CELF5: variants seen among roughly 807,000 people sequenced by gnomAD.
The protein encoded by CELF5 is CUGBP Elav-like family member 5, also known as CUG-BP and ETR-3 like factor 5.
In CELF5, 6 loss-of-function variants were observed where a neutral mutation model predicts 54.9. That is an observed-to-expected ratio of 0.11 (90% CI 0.06 to 0.22). The LOEUF (loss-of-function observed/expected upper bound fraction) is 0.22, where lower values mean the gene tolerates loss of function less well. CELF5 is among the 10% of genes least tolerant of loss of function. The probability of loss-of-function intolerance (pLI) is 1.00; values close to 1 mark genes in which losing one functional copy is unlikely to be tolerated. For synonymous variants in CELF5, 271 were observed against 290.9 expected, an observed-to-expected ratio of 0.93 and a Z score of 0.70; for missense variants, 401 against 678.6, an observed-to-expected ratio of 0.59 and a Z score of 4.54.
At chr19:3,283,218 T>C (rs1351361199) in intron 8 of CELF5, among the ~76,000 whole-genome samples, 1 of 152,212 alleles carries the variant, frequency 6.6e-6, no homozygotes, top group Admixed American at 6.5e-5. Flanking sequence ...GAAGCAGAGG[T>C]CCTTCCTTTC....
chr19:3,235,709 GATGGATGT>G (rs1917551460), intron 1 of CELF5, among the ~76,000 whole-genome samples: 2 of 147,674 alleles, frequency 1.4e-5, no homozygotes, highest in East Asian at 2.1e-4. Context: ...TGGATGGATG[GATGGATGT>G]GTGGATGGGT....
chr19:3,253,699 CA>C (rs2079681446), intron 2 of CELF5, among the ~76,000 whole-genome samples: 1 of 152,192 alleles, frequency 6.6e-6, no homozygotes, highest in Non-Finnish European at 1.5e-5. Flanking sequence ...CAAGGTTAGG[CA>C]GCCTGCAAGC....
At chr19:3,284,798 G>A in intron 8 of CELF5, 104 bp from the exon 9 acceptor site, 1 of 982,924 alleles carries the variant, frequency 1.0e-6, no homozygotes, top group Non-Finnish European at 1.6e-6. Context: ...CAGAGGAGAA[G>A]CTGGGCGGGG....
chr19:3,266,600 T>C (rs1007610666), intron 2 of CELF5, among the ~76,000 whole-genome samples: 2 of 152,092 alleles, frequency 1.3e-5, no homozygotes, highest in African/African-American at 2.4e-5. Context: ...TTGAGACAAA[T>C]AGAGATCCTC....
chr19:3,242,109 A>G (rs1166049963), intron 1 of CELF5, among the ~76,000 whole-genome samples: 1 of 152,164 alleles, frequency 6.6e-6, no homozygotes, highest in African/African-American at 2.4e-5. Flanking sequence ...TTTCTAGGGA[A>G]GCAGGTACGG....
intron 2 of CELF5, among the ~76,000 whole-genome samples, chr19:3,256,918 T>C (rs1266554166): frequency 6.6e-6 from 1 of 151,822 alleles, no homozygotes. Flanking sequence ...CAGGTTGGAG[T>C]GCAGTGGCAC....
At chr19:3,267,119 G>C (rs1314147744) in intron 2 of CELF5, among the ~76,000 whole-genome samples, 1 of 151,896 alleles carries the variant, frequency 6.6e-6, no homozygotes, top group African/African-American at 2.4e-5. Flanking sequence ...GTGTGCGTGT[G>C]TGTTGGGGGA....
intron 1 of CELF5, 59 bp downstream of exon 1, chr19:3,225,057 G>A (rs865984144): frequency 1.8e-6 from 2 of 1,114,212 alleles, no homozygotes; most frequent in African/African-American, 5.2e-5. Flanking sequence ...CCCACCTTCC[G>A]GCATCTTCTC....
At chr19:3,231,774 G>A (rs1366359990) in intron 1 of CELF5, among the ~76,000 whole-genome samples, 1 of 136,862 alleles carries the variant, frequency 7.3e-6, no homozygotes, top group African/African-American at 2.8e-5. Flanking sequence ...GGGTGGGTTG[G>A]TGGGTCAATG....
chr19:3,286,306 T>G, intron 10 of CELF5: 1 of 411,982 alleles, frequency 2.4e-6, no homozygotes, highest in Non-Finnish European at 4.3e-6. Flanking sequence ...TTCTCTGGAT[T>G]TTTTGGAAAG....
intron 2 of CELF5, among the ~76,000 whole-genome samples, chr19:3,261,015 T>C (rs989262534): frequency 6.6e-6 from 1 of 152,114 alleles, no homozygotes; most frequent in Non-Finnish European, 1.5e-5. Context: ...TCCTCCTGCC[T>C]CAGCCTCCCA....
At chr19:3,269,479 C>T (rs1165541742) in intron 2 of CELF5, among the ~76,000 whole-genome samples, 1 of 152,122 alleles carries the variant, frequency 6.6e-6, no homozygotes, top group Non-Finnish European at 1.5e-5. Context: ...CGCCCGGCCC[C>T]TCCTCTGAAC....
intron 11 of CELF5, among the ~76,000 whole-genome samples, chr19:3,290,730 ATT>A (rs34944640): frequency 1.2e-3 from 164 of 140,412 alleles, no homozygotes; most frequent in Non-Finnish European, 1.2e-3. Flanking sequence ...CACCCAGCTA[ATT>A]TTTTTTTTTT....
intron 1 of CELF5, among the ~76,000 whole-genome samples, chr19:3,236,231 A>G (rs919517754): frequency 2.6e-5 from 4 of 152,162 alleles, no homozygotes; most frequent in Non-Finnish European, 5.9e-5. Flanking sequence ...CGGTTTTCCT[A>G]GTGAAGTTGG....
chr19:3,280,991 G>C (rs531485901), intron 5 of CELF5, among the ~76,000 whole-genome samples: 24 of 152,342 alleles, frequency 1.6e-4, no homozygotes, highest in African/African-American at 5.0e-4. Flanking sequence ...CGCTGCACCT[G>C]TGCAGATGCT....
chr19:3,227,198 G>T (rs555949782), intron 1 of CELF5, among the ~76,000 whole-genome samples: 1 of 152,146 alleles, frequency 6.6e-6, no homozygotes, highest in Non-Finnish European at 1.5e-5. Flanking sequence ...TGCTTGGCAC[G>T]AAGGGGTGGG....
chr19:3,243,134 G>A (rs2079514698), intron 1 of CELF5, among the ~76,000 whole-genome samples: 1 of 152,080 alleles, frequency 6.6e-6, no homozygotes, highest in Non-Finnish European at 1.5e-5. Flanking sequence ...ATTCAGTATA[G>A]AGTATAAGCT....
chr19:3,285,018 G>C lies in CELF5; in HGVS notation c.1102+54G>C, dbSNP rs905081962. 1.6e-5 allele frequency: 22 copies of C among 1,387,030 alleles called. No homozygotes were observed. In the African/African-American group the frequency reaches 3.0e-4, roughly 19 times the overall value. 85.9% of individuals were successfully genotyped at this position (1,387,030 alleles called of 1,614,324 possible). A position where few individuals can be genotyped will look rare whatever the true frequency, so the allele number is the denominator to read the frequency against. On this transcript the variant is annotated intron_variant, in intron 9 of 12. Transcript: ENST00000292672. ...GGCCCTGGCCCCGCCCCCGCCTAGG[G>C]CCCCGCCCCCAGGGCCCGCCCCGGA...
rs1917043966 is a variant in CELF5, at chr19:3,228,347, C to T, written c.259+3349C>T. On this transcript the variant is annotated intron_variant, in intron 1 of 12. Coordinates refer to ENST00000292672, the MANE Select transcript of CELF5 (RefSeq NM_021938.4). The surrounding 1 kb of genome is among the most constrained non-coding windows in gnomAD (Gnocchi z 6.0). ...CCAGGCCAGGGGCTCAGGCCAAGAA[C>T]TGGAGGCTGGGATTGGGGCTCCCGC... 6.6e-6 allele frequency among the ~76,000 whole-genome samples: 1 copy of T among 152,192 alleles called. No homozygotes were observed. The highest frequency in any genetic ancestry group is 1.5e-5 in the Non-Finnish European group (1 of 68,022).
Sources: allele counts gnomAD v4.1 joint callset (sites outside exome capture counted in the v4.1 genomes callset), GRCh38; gene constraint gnomAD v4.1.1; non-coding constraint Gnocchi (gnomAD v3.1); transcripts MANE v1.5; gene names NCBI Gene and HGNC (gene_info 2026-07-23, HGNC 2026-07-21).